FER1L6: variants seen among roughly 807,000 people sequenced by gnomAD.
The protein encoded by FER1L6 is fer-1-like protein 6.
FER1L6 carries 177 observed loss-of-function variants against 219.2 expected under a neutral mutation model. The ratio of observed to expected loss-of-function variants is 0.81; its 90% CI spans 0.71 to 0.91. The LOEUF (loss-of-function observed/expected upper bound fraction) is 0.91. Among genes scored for constraint, FER1L6 ranks in the 40% least tolerant of loss-of-function variants. FER1L6 has a pLI of 0.00. For missense variants in FER1L6, 2,153 were observed against 2,259.9 expected (o/e 0.95, Z 0.96); for synonymous variants, 768 against 824.3 (o/e 0.93, Z 1.17).
At chr8:124,097,967 G>GATACT (rs1254967358) in intron 37 of FER1L6, 84 bp downstream of exon 37, 1 of 739,004 alleles carries the variant, frequency 1.4e-6, no homozygotes, top group African/African-American at 1.8e-5. Flanking sequence ...CCTCATGGAG[G>GATACT]ATACTAAACC....
intron 13 of FER1L6, among the ~76,000 whole-genome samples, chr8:124,008,997 C>T (rs897420640): frequency 6.6e-6 from 1 of 151,736 alleles, no homozygotes; most frequent in Non-Finnish European, 1.5e-5. Flanking sequence ...CCACCTTACT[C>T]CTGCAAGAAT....
At chr8:124,064,662 C>A in intron 26 of FER1L6, 89 bp downstream of exon 26, 2 of 1,150,748 alleles carry the variant, frequency 1.7e-6, no homozygotes, top group Non-Finnish European at 2.5e-6. Context: ...TGCAGTGTGA[C>A]CATGGGCAAG....
intron 39 of FER1L6, among the ~76,000 whole-genome samples, chr8:124,104,592 AG>A (rs1400859129): frequency 6.6e-6 from 1 of 152,246 alleles, no homozygotes; most frequent in Non-Finnish European, 1.5e-5. Flanking sequence ...TCCTGGTAGA[AG>A]GCTAACAACC....
chr8:123,854,092 T>C (rs1816581947), intron 1 of FER1L6, among the ~76,000 whole-genome samples: 2 of 152,176 alleles, frequency 1.3e-5, no homozygotes, highest in South Asian at 4.1e-4. Context: ...TGAAAAGACG[T>C]CTGGTGAGAT....
At chr8:123,909,344 G>A (rs1157000076) in intron 1 of FER1L6, among the ~76,000 whole-genome samples, 4 of 152,128 alleles carry the variant, frequency 2.6e-5, no homozygotes, top group Non-Finnish European at 4.4e-5. Context: ...CACTCCCAAG[G>A]AGTTTGGGCC....
chr8:124,020,001 A>G (rs1336304995), intron 16 of FER1L6, among the ~76,000 whole-genome samples: 1 of 152,050 alleles, frequency 6.6e-6, no homozygotes, highest in East Asian at 1.9e-4. Context: ...TCCCCACCCA[A>G]ATCTCATCTT....
chr8:123,854,696 CAAAG>C (rs1443619664), intron 1 of FER1L6, among the ~76,000 whole-genome samples: 1 of 152,014 alleles, frequency 6.6e-6, no homozygotes, highest in Non-Finnish European at 1.5e-5. Context: ...CTCAGCAGAA[CAAAG>C]AAAGAAGCCC....
chr8:124,070,323 C>T, intron 29 of FER1L6, 144 bp from the exon 30 acceptor site: 1 of 793,544 alleles, frequency 1.3e-6, no homozygotes, highest in African/African-American at 1.8e-5. Flanking sequence ...CGTTCCTTAT[C>T]TCACTGAAGA....
At chr8:124,040,234 C>A (rs1022943869) in intron 20 of FER1L6, among the ~76,000 whole-genome samples, 1 of 152,096 alleles carries the variant, frequency 6.6e-6, no homozygotes, top group African/African-American at 2.4e-5. Flanking sequence ...GTCCCTGAGG[C>A]GAAGGAAGGC....
chr8:123,904,445 G>T (rs1812917054), intron 1 of FER1L6, among the ~76,000 whole-genome samples: 1 of 152,096 alleles, frequency 6.6e-6, no homozygotes, highest in Non-Finnish European at 1.5e-5. Context: ...GAAAAGTGGA[G>T]CCCTGGCCAA....
At chr8:124,019,674 C>T (rs1818369658) in intron 16 of FER1L6, among the ~76,000 whole-genome samples, 1 of 152,170 alleles carries the variant, frequency 6.6e-6, no homozygotes, top group Non-Finnish European at 1.5e-5. Context: ...CACCTATGTG[C>T]CAGGAGCTCT....
chr8:123,865,293 A>G (rs533664995), intron 1 of FER1L6, among the ~76,000 whole-genome samples: 3,061 of 149,750 alleles, frequency 0.02, 43 homozygotes, highest in South Asian at 0.036. Flanking sequence ...TAGGCTGCTC[A>G]GGGGTCAGGG....
intron 32 of FER1L6, among the ~76,000 whole-genome samples, chr8:124,079,334 G>T (rs1399684581): frequency 2.0e-5 from 3 of 152,152 alleles, no homozygotes; most frequent in African/African-American, 2.4e-5. Context: ...AATATATACT[G>T]CTTTTGCTCT....
chr8:123,924,545 A>T (rs1482511574), intron 1 of FER1L6, among the ~76,000 whole-genome samples: 1 of 151,256 alleles, frequency 6.6e-6, no homozygotes, highest in African/African-American at 2.5e-5. Context: ...AAAAAAAAAA[A>T]AATAAATAAA....
In FER1L6 at chr8:123,855,767, T is replaced by C. The variant is rs542546762; in HGVS notation, c.-8+3582T>C. Among the ~76,000 whole-genome samples the C allele has an allele frequency of 2.1e-5, 3 of 143,724 alleles. No homozygotes were observed. In the South Asian group the frequency reaches 6.3e-4, roughly 30 times the overall value. 94.3% of individuals were successfully genotyped at this position (143,724 alleles called of 152,430 possible). A position where few individuals can be genotyped will look rare whatever the true frequency, so the allele number is the denominator to read the frequency against. On this transcript the variant is annotated intron_variant, in intron 1 of 40. Transcript: ENST00000522917. ...GTGTATGTGTGTATATATATGTGTG[T>C]GTATATATATGTGTGTGTGTGTATA... is the stretch of plus-strand genomic sequence containing the variant.
In FER1L6 at chr8:123,880,362, G is replaced by A. The variant is rs533653477; in HGVS notation, c.-8+28177G>A. 3.3e-5 allele frequency among the ~76,000 whole-genome samples: 5 copies of A among 152,272 alleles called. No individual in the cohort carries two copies. In the South Asian group the frequency reaches 8.3e-4, roughly 25 times the overall value. ...GGAACTGGCTTTATCGCAGCGCCTT[G>A]TTTATGTCCTCCGTCCACAGCAGCC... is the stretch of plus-strand genomic sequence containing the variant. On this transcript the variant is annotated intron_variant, in intron 1 of 40. Transcript: ENST00000522917.
chr8:123,896,338 T>C (rs1484288025), intron 1 of FER1L6, among the ~76,000 whole-genome samples: 1 of 152,212 alleles, frequency 6.6e-6, no homozygotes, highest in Admixed American at 6.5e-5. Context: ...CCTAACCTGT[T>C]CATCTGAGAA....
chr8:124,099,502 T>C (rs549593564), intron 37 of FER1L6, among the ~76,000 whole-genome samples: 1 of 152,244 alleles, frequency 6.6e-6, no homozygotes, highest in African/African-American at 2.4e-5. Flanking sequence ...ATCAGCACTG[T>C]TCATCCTCTC....
In FER1L6 at chr8:124,101,108, G is replaced by A. The variant is rs1314862043; in HGVS notation, c.4895G>A (p.Gly1632Asp). ...GAATCTATTTTTAGGTGGTTAAAGG[G>A]CTTGGAGGATGACAAGCAGGAGACA... is the stretch of plus-strand genomic sequence containing the variant. ...SDIYVKGWLKGLEDDKQETDV... is the reference protein window; with the variant it reads ...SDIYVKGWLKDLEDDKQETDV... Residue 1632 changes from glycine to aspartate, a missense_variant, in exon 38 of 41, where the codon GGC (glycine) becomes GAC (aspartate). Physicochemically the swap from Gly to Asp is moderately conservative, Grantham distance 94 (BLOSUM62 -1). Coordinates refer to ENST00000522917, the MANE Select transcript of FER1L6 (RefSeq NM_001039112.2). The A allele has an allele frequency of 2.5e-6, 4 of 1,613,728 alleles. No individual in the cohort carries two copies. Among genetic ancestry groups the A allele is most frequent in the South Asian group, 1.1e-5 (1 of 91,070 alleles).
Sources: allele counts gnomAD v4.1 joint callset (sites outside exome capture counted in the v4.1 genomes callset), GRCh38; gene constraint gnomAD v4.1.1; transcripts MANE v1.5; gene names NCBI Gene and HGNC (gene_info 2026-07-23, HGNC 2026-07-21).